FOXP2: variants seen among roughly 807,000 people sequenced by gnomAD.
FOXP2 encodes the protein forkhead box protein P2.
Under a neutral mutation model 115.8 loss-of-function variants are expected in FOXP2, and 12 were observed. That is an observed-to-expected ratio of 0.10 (90% confidence interval 0.07 to 0.17). The LOEUF (loss-of-function observed/expected upper bound fraction) is 0.17. Ranked by LOEUF, FOXP2 falls within the 10% of genes least tolerant of loss-of-function variation. The pLI is 1.00. For missense variants in FOXP2, 629 were observed against 843.5 expected (o/e 0.75, Z 3.15); for synonymous variants, 328 against 297.7 (o/e 1.10, Z -1.05).
intron 1 of FOXP2, among the ~76,000 whole-genome samples, chr7:114,202,557 C>A (rs1584542374): frequency 6.6e-6 from 1 of 152,104 alleles, no homozygotes; most frequent in East Asian, 1.9e-4. Context: ...TAGGCCTTAG[C>A]ATGTTTTTAT....
Position 114,642,571 on chromosome 7 carries a change from C to G in FOXP2, c.937C>G (p.His313Asp). The change falls in exon 7 of 17, where the codon CAT becomes GAT. Residue 313 changes from histidine (H) to aspartate (D), a missense_variant. This residue lies in a region of FOXP2 where 92 missense variants were observed against 80.1 expected (regional missense o/e 1.15). Coordinates refer to ENST00000350908, the MANE Select transcript of FOXP2 (RefSeq NM_014491.4). ...NTSKASPPITHHSIVNGQSSV... is the reference protein window; with the variant it reads ...NTSKASPPITDHSIVNGQSSV... ...TTCCAAAGCATCACCACCAATAACT[C>G]ATCATTCCATAGTGAATGGACAGTC... The G allele has an allele frequency of 6.2e-7, 1 of 1,613,700 alleles. No individual in the cohort carries two copies. Among genetic ancestry groups the G allele is most frequent in the Non-Finnish European group, 8.5e-7 (1 of 1,179,918 alleles).
intron 2 of FOXP2, among the ~76,000 whole-genome samples, chr7:114,373,236 G>A (rs568819076): frequency 6.6e-6 from 1 of 152,206 alleles, no homozygotes; most frequent in South Asian, 2.1e-4. Flanking sequence ...TAGCCAGGAT[G>A]GTCTCGATCT....
intron 8 of FOXP2, among the ~76,000 whole-genome samples, chr7:114,651,815 G>A (rs191280346): frequency 4.3e-4 from 65 of 152,108 alleles, no homozygotes; most frequent in African/African-American, 1.5e-3. Flanking sequence ...ACAACAAACT[G>A]TTCTAACAAT....
At chr7:114,580,641 C>A (rs1025079994) in intron 3 of FOXP2, among the ~76,000 whole-genome samples, 3 of 151,974 alleles carry the variant, frequency 2.0e-5, no homozygotes, top group African/African-American at 7.3e-5. Flanking sequence ...AATACAACGA[C>A]TTGATTTTTA....
At chr7:114,497,017 T>C (rs1381687380) in intron 2 of FOXP2, among the ~76,000 whole-genome samples, 1 of 152,184 alleles carries the variant, frequency 6.6e-6, no homozygotes, top group East Asian at 1.9e-4. Flanking sequence ...GTAATACTTA[T>C]TTAAATACCT....
chr7:114,262,788 T>C (rs541870452), intron 1 of FOXP2, among the ~76,000 whole-genome samples: 1 of 152,340 alleles, frequency 6.6e-6, no homozygotes, highest in South Asian at 2.1e-4. Flanking sequence ...AGTTGGAATA[T>C]TGGAATTTTA....
intron 1 of FOXP2, among the ~76,000 whole-genome samples, chr7:114,191,551 T>C (rs1259141948): frequency 6.6e-6 from 1 of 152,202 alleles, no homozygotes; most frequent in Non-Finnish European, 1.5e-5. Context: ...CACAAAATAT[T>C]TGTACTGAAG....
At chr7:114,663,669 G>T in intron 15 of FOXP2, 150 bp downstream of exon 15, 1 of 677,612 alleles carries the variant, frequency 1.5e-6, no homozygotes, top group Non-Finnish European at 2.6e-6. Context: ...GACAGCACTG[G>T]TTCTAATTCA....
At chr7:114,133,517 C>T (rs192409493) in intron 1 of FOXP2, among the ~76,000 whole-genome samples, 3 of 152,290 alleles carry the variant, frequency 2.0e-5, no homozygotes, top group East Asian at 1.9e-4. Flanking sequence ...AGCCCTGGGG[C>T]GTTCCACTGT....
At chr7:114,642,808 ATATATTT>A (rs1212070122) in intron 7 of FOXP2, among the ~76,000 whole-genome samples, 185 bp downstream of exon 7, 1 of 58,472 alleles carries the variant, frequency 1.7e-5, no homozygotes, top group African/African-American at 6.2e-5. Flanking sequence ...ATATATATAT[ATATATTT>A]TTTTTTTTTT....
chr7:114,385,870 C>T (rs865943746), intron 2 of FOXP2, among the ~76,000 whole-genome samples: 17 of 152,238 alleles, frequency 1.1e-4, no homozygotes, highest in South Asian at 4.2e-4. Context: ...TGGCAAGCCT[C>T]GTCTTCTCTG....
intron 8 of FOXP2, among the ~76,000 whole-genome samples, chr7:114,651,000 G>A (rs555090263): frequency 7.2e-5 from 11 of 151,980 alleles, no homozygotes; most frequent in Non-Finnish European, 1.3e-4. Context: ...TCAGCAACAC[G>A]ACTTTAATTA....
chr7:114,360,334 T>G (rs1791717521), intron 2 of FOXP2, among the ~76,000 whole-genome samples: 1 of 152,156 alleles, frequency 6.6e-6, no homozygotes, highest in East Asian at 1.9e-4. Context: ...TTCATAGCAG[T>G]AAGAAAATGG....
At chr7:114,647,481 A>C (rs1805977350) in intron 8 of FOXP2, among the ~76,000 whole-genome samples, 1 of 151,792 alleles carries the variant, frequency 6.6e-6, no homozygotes, top group South Asian at 2.1e-4. Context: ...TGGATAAAAA[A>C]AATTCAGACT....
At chr7:114,129,590 C>G (rs1269879420) in intron 1 of FOXP2, among the ~76,000 whole-genome samples, 1 of 152,142 alleles carries the variant, frequency 6.6e-6, no homozygotes, top group Admixed American at 6.6e-5. Context: ...AAGTAACTAT[C>G]CTTTAATTTG....
intron 1 of FOXP2, among the ~76,000 whole-genome samples, chr7:114,119,586 C>G (rs1791504095): frequency 6.6e-6 from 1 of 151,918 alleles, no homozygotes; most frequent in Non-Finnish European, 1.5e-5. Context: ...TAGTATGTAC[C>G]TGTGGTTCCA....
intron 3 of FOXP2, among the ~76,000 whole-genome samples, chr7:114,536,118 C>A (rs984281166): frequency 6.6e-6 from 1 of 151,538 alleles, no homozygotes; most frequent in African/African-American, 2.4e-5. Context: ...AAATGTTTAT[C>A]CTCACTATGG....
chr7:114,147,095 C>G (rs904261500), intron 1 of FOXP2, among the ~76,000 whole-genome samples: 1 of 152,082 alleles, frequency 6.6e-6, no homozygotes, highest in Non-Finnish European at 1.5e-5. Context: ...TGGAATAAGA[C>G]TTGGTATGTG....
At chr7:114,365,087 C>A (rs1791846063) in intron 2 of FOXP2, among the ~76,000 whole-genome samples, 1 of 152,076 alleles carries the variant, frequency 6.6e-6, no homozygotes, top group Admixed American at 6.6e-5. Context: ...AGCTAGGATT[C>A]ACTTTTAATT....
Sources: gnomAD v4.1 joint callset for allele counts (sites outside exome capture counted in the v4.1 genomes callset) on GRCh38, gnomAD v4.1.1 for gene constraint, gnomAD v4.1.1 regional missense constraint, MANE v1.5 for transcripts, NCBI Gene and HGNC (gene_info 2026-07-23, HGNC 2026-07-21) for gene names.